Variants in MAGI1 observed in about 807,000 individuals in gnomAD.
MAGI1 encodes the protein membrane associated guanylate kinase, WW and PDZ domain containing 1.
MAGI1 carries 58 observed loss-of-function variants against 139.9 expected under a neutral mutation model. The ratio of observed to expected loss-of-function variants is 0.41; its 90% CI spans 0.34 to 0.52. The LOEUF (loss-of-function observed/expected upper bound fraction) is 0.52, where lower values mean the gene tolerates loss of function less well. MAGI1 is among the 20% of genes least tolerant of loss of function. The pLI is 0.12. For missense variants in MAGI1, 1,874 were observed against 1,901.6 expected, an observed-to-expected ratio of 0.99 and a Z score of 0.27; for synonymous variants, 812 against 737.9, an observed-to-expected ratio of 1.10 and a Z score of -1.63.
chr3:65,757,802 TTAAG>T (rs1214782401), intron 1 of MAGI1, among the ~76,000 whole-genome samples: 1 of 152,234 alleles, frequency 6.6e-6, no homozygotes, highest in African/African-American at 2.4e-5. Context: ...ATTTGAGAAA[TTAAG>T]TACTCATTTC....
chr3:65,359,413 CCT>C, intron 22 of MAGI1: 1 of 1,242,098 alleles, frequency 8.1e-7, no homozygotes, highest in East Asian at 3.1e-5. Flanking sequence ...ACGAATGCAT[CCT>C]TTTTTGTTTT....
At chr3:66,033,074 G>C (rs1320555254) in intron 1 of MAGI1, among the ~76,000 whole-genome samples, 2 of 151,760 alleles carry the variant, frequency 1.3e-5, no homozygotes, top group African/African-American at 4.8e-5. Flanking sequence ...TGTCACCCAG[G>C]CTGGAGTGCA....
At chr3:65,688,361 A>AG (rs1351278292) in intron 1 of MAGI1, 2 of 636,702 alleles carry the variant, frequency 3.1e-6, no homozygotes, top group Non-Finnish European at 6.1e-6. Context: ...TAACACCTTC[A>AG]GAAAAGGCTT....
rs1443282189 is a variant in MAGI1 at position 66,038,403 on chromosome 3, A to C, written c.-95T>G. 3.2e-5 allele frequency: 47 copies of C among 1,456,854 alleles called. 1 individual carries two copies. The highest frequency in any genetic ancestry group is 4.2e-5 in the Non-Finnish European group (46 of 1,100,804). The allele number at this position is 1,456,854 out of a possible 1,614,324, so 90.2% of individuals were successfully genotyped here. Reference sequence around the variant, plus strand: ...GCCTCCGCTTGTTCATGGGAGAAACATCTCTCCCCAAATCACAAAACAGGA... The same window carrying C: ...GCCTCCGCTTGTTCATGGGAGAAACCTCTCTCCCCAAATCACAAAACAGGA... On this transcript the variant is annotated 5_prime_UTR_variant, in exon 1 of 23. It removes an upstream start codon present in the reference 5' UTR. Transcript: ENST00000402939.
chr3:65,376,035 T>C, intron 17 of MAGI1, 90 bp from the exon 18 acceptor site: 1 of 916,782 alleles, frequency 1.1e-6, no homozygotes, highest in Non-Finnish European at 1.7e-6. Flanking sequence ...AAAGAGAAGG[T>C]TAAGTGTTAA....
intron 2 of MAGI1, among the ~76,000 whole-genome samples, chr3:65,613,447 C>T (rs1443941635): frequency 6.6e-6 from 1 of 152,160 alleles, no homozygotes; most frequent in African/African-American, 2.4e-5. Context: ...CATGGCTTTC[C>T]CTTTTCTACA....
At chr3:65,689,145 C>G (rs2088338460) in intron 1 of MAGI1, among the ~76,000 whole-genome samples, 1 of 152,216 alleles carries the variant, frequency 6.6e-6, no homozygotes, top group African/African-American at 2.4e-5. Flanking sequence ...AGACATCAGT[C>G]TCTTCAAGGG....
chr3:65,833,328 A>G (rs1216757441), intron 1 of MAGI1, among the ~76,000 whole-genome samples: 2 of 152,124 alleles, frequency 1.3e-5, no homozygotes, highest in East Asian at 3.9e-4. Flanking sequence ...CATATTGGCC[A>G]GGCTGGTTTC....
chr3:66,001,299 T>C (rs796164896), intron 1 of MAGI1, among the ~76,000 whole-genome samples: 11 of 152,146 alleles, frequency 7.2e-5, no homozygotes, highest in African/African-American at 2.4e-4. Flanking sequence ...AAAAAGAAAA[T>C]TTTAAAATAA....
intron 3 of MAGI1, among the ~76,000 whole-genome samples, chr3:65,490,584 G>A (rs1050283042): frequency 6.6e-6 from 1 of 152,060 alleles, no homozygotes; most frequent in Non-Finnish European, 1.5e-5. Context: ...GGTGGCTCAC[G>A]CCTGTAATCC....
intron 2 of MAGI1, among the ~76,000 whole-genome samples, chr3:65,607,340 A>T (rs2106896415): frequency 6.6e-6 from 1 of 152,022 alleles, no homozygotes; most frequent in South Asian, 2.1e-4. Flanking sequence ...TATGCCCCTG[A>T]AGCAACTTTC....
chr3:65,362,331 GTAATT>G (rs886296121), intron 21 of MAGI1, among the ~76,000 whole-genome samples: 7 of 146,792 alleles, frequency 4.8e-5, no homozygotes, highest in African/African-American at 8.2e-5. Flanking sequence ...AATTTTTAAA[GTAATT>G]TAAAGTAAAG....
At chr3:65,716,506 A>G (rs1219063438) in intron 1 of MAGI1, among the ~76,000 whole-genome samples, 1 of 152,226 alleles carries the variant, frequency 6.6e-6, no homozygotes, top group Non-Finnish European at 1.5e-5. Flanking sequence ...AGACTATCTT[A>G]TTTCACAGAG....
chr3:65,919,058 G>A (rs1226422924), intron 1 of MAGI1, among the ~76,000 whole-genome samples: 1 of 152,186 alleles, frequency 6.6e-6, no homozygotes, highest in Non-Finnish European at 1.5e-5. Flanking sequence ...AAACCAGATA[G>A]TATGGTTAAC....
At chr3:65,728,307 C>T (rs541453555) in intron 1 of MAGI1, among the ~76,000 whole-genome samples, 8 of 152,198 alleles carry the variant, frequency 5.3e-5, no homozygotes, top group East Asian at 1.9e-4. Flanking sequence ...CCCTGTGAGG[C>T]GCAGAAGGTG....
At chr3:65,736,659 T>C (rs1353390648) in intron 1 of MAGI1, among the ~76,000 whole-genome samples, 2 of 152,080 alleles carry the variant, frequency 1.3e-5, no homozygotes, top group African/African-American at 2.4e-5. Flanking sequence ...AGAAGATGGG[T>C]GTCCCAGCTC....
chr3:65,944,124 G>C (rs1010826990), intron 1 of MAGI1, among the ~76,000 whole-genome samples: 5 of 152,202 alleles, frequency 3.3e-5, no homozygotes, highest in Admixed American at 6.5e-5. Flanking sequence ...CCATTAAGCA[G>C]TTTTGCCATT....
intron 1 of MAGI1, among the ~76,000 whole-genome samples, chr3:65,908,804 T>G (rs1177641225): frequency 6.6e-6 from 1 of 152,160 alleles, no homozygotes; most frequent in African/African-American, 2.4e-5. Flanking sequence ...CCAGCATGCC[T>G]TATCATTAGA....
intron 1 of MAGI1, among the ~76,000 whole-genome samples, chr3:65,829,114 C>T (rs1339298954): frequency 1.3e-5 from 2 of 152,238 alleles, no homozygotes; most frequent in East Asian, 1.9e-4. Context: ...GTGACATCCA[C>T]GTCAGCCTTC....
Sources: allele counts gnomAD v4.1 joint callset (sites outside exome capture counted in the v4.1 genomes callset), GRCh38; gene constraint gnomAD v4.1.1; transcripts MANE v1.5; gene names NCBI Gene and HGNC (gene_info 2026-07-23, HGNC 2026-07-21).